The following TRDN variants were observed in gnomAD, a reference collection of about 807,000 sequenced individuals.
The protein encoded by TRDN is triadin, also known as triadin in skeletal muscle.
Under a neutral mutation model 149.7 loss-of-function variants are expected in TRDN, and 161 were observed. That is an observed-to-expected ratio of 1.08 (90% CI 0.95 to 1.23). The LOEUF (loss-of-function observed/expected upper bound fraction) is 1.23, where lower values mean the gene tolerates loss of function less well. Among genes scored for constraint, TRDN ranks in the 50% most tolerant of loss-of-function variants. TRDN has a pLI of 0.00. For synonymous variants in TRDN, 294 were observed against 250.5 expected (o/e 1.17, Z -1.64); for missense variants, 896 against 823.5 (o/e 1.09, Z -1.08).
chr6:123,299,009 T>G (rs1374721380), intron 24 of TRDN, among the ~76,000 whole-genome samples: 1 of 152,100 alleles, frequency 6.6e-6, no homozygotes, highest in Non-Finnish European at 1.5e-5. Context: ...AGTTTTGGTC[T>G]GGAATAGAAA....
chr6:123,277,742 T>C (rs1777424726), intron 26 of TRDN, among the ~76,000 whole-genome samples: 1 of 152,200 alleles, frequency 6.6e-6, no homozygotes, highest in African/African-American at 2.4e-5. Context: ...ACCTTCATTT[T>C]GGACATCTAC....
intron 2 of TRDN, among the ~76,000 whole-genome samples, chr6:123,560,023 A>G (rs1781896607): frequency 6.6e-6 from 1 of 152,214 alleles, no homozygotes; most frequent in Non-Finnish European, 1.5e-5. Flanking sequence ...ACTTCAGTCT[A>G]GTCAGAATTC....
intron 2 of TRDN, among the ~76,000 whole-genome samples, chr6:123,555,392 G>A (rs1002993059): frequency 2.0e-5 from 3 of 152,076 alleles, no homozygotes; most frequent in African/African-American, 7.2e-5. Flanking sequence ...AACATCCAAG[G>A]AAGTCAAGCA....
chr6:123,630,744 T>C (rs1785947854), intron 1 of TRDN, among the ~76,000 whole-genome samples: 1 of 152,026 alleles, frequency 6.6e-6, no homozygotes, highest in African/African-American at 2.4e-5. Flanking sequence ...TAACAAGGGC[T>C]GACACTACAC....
intron 21 of TRDN, among the ~76,000 whole-genome samples, chr6:123,338,407 G>A (rs1317329190): frequency 2.0e-5 from 3 of 152,156 alleles, no homozygotes; most frequent in East Asian, 1.9e-4. Context: ...ATCAAAAAAG[G>A]TCATGCAGTA....
intron 21 of TRDN, chr6:123,351,036 A>C: frequency 2.2e-6 from 2 of 925,472 alleles, no homozygotes; most frequent in Non-Finnish European, 2.5e-6. Context: ...TACTATTATT[A>C]GTGTGGGTGT....
intron 7 of TRDN, among the ~76,000 whole-genome samples, chr6:123,511,657 C>T (rs552323237): frequency 6.6e-6 from 1 of 152,140 alleles, no homozygotes; most frequent in Non-Finnish European, 1.5e-5. Context: ...TATTATCTTC[C>T]AGTTTTTATG....
intron 2 of TRDN, among the ~76,000 whole-genome samples, chr6:123,551,522 G>A (rs1781391896): frequency 6.6e-6 from 1 of 151,650 alleles, no homozygotes; most frequent in Non-Finnish European, 1.5e-5. Context: ...AAGATACTTA[G>A]GTAATTGTAT....
At chr6:123,495,382 G>A (rs1778404021) in intron 9 of TRDN, among the ~76,000 whole-genome samples, 1 of 151,872 alleles carries the variant, frequency 6.6e-6, no homozygotes, top group African/African-American at 2.4e-5. Context: ...AGCCGAGTAT[G>A]TTGGCAGGGG....
intron 30 of TRDN, 25 bp from the exon 31 acceptor site, chr6:123,269,891 T>A (rs1260262115): frequency 1.2e-6 from 2 of 1,608,604 alleles, no homozygotes; most frequent in Admixed American, 1.7e-5. Context: ...GGCAAGCACA[T>A]GGCATATTGA....
chr6:123,570,793 T>A, intron 2 of TRDN, 130 bp downstream of exon 2: 1 of 746,780 alleles, frequency 1.3e-6, no homozygotes, highest in South Asian at 1.9e-5. Context: ...TCAGTGATCC[T>A]CAAGCACATT....
chr6:123,499,719 A>ATATAT (rs1554249831), intron 8 of TRDN, among the ~76,000 whole-genome samples: 10 of 47,682 alleles, frequency 2.1e-4, no homozygotes, highest in African/African-American at 6.4e-4. Context: ...AAAAAAAAAA[A>ATATAT]ATATATATAT....
At chr6:123,326,581 T>C (rs906790899) in intron 23 of TRDN, among the ~76,000 whole-genome samples, 2 of 151,992 alleles carry the variant, frequency 1.3e-5, no homozygotes, top group African/African-American at 4.8e-5. Flanking sequence ...ACTATTAATG[T>C]TTGGTTTACA....
chr6:123,395,714 T>G (rs1772697445), intron 12 of TRDN, among the ~76,000 whole-genome samples: 1 of 152,052 alleles, frequency 6.6e-6, no homozygotes, highest in African/African-American at 2.4e-5. Flanking sequence ...TTCTACAATG[T>G]CTACCTGCAA....
At position 123,517,757 on chromosome 6, in the gene TRDN, T is replaced by G. The variant is rs1230351062; in HGVS notation, c.485-1551A>C. Among the ~76,000 whole-genome samples the G allele has an allele frequency of 3.3e-5, 5 of 151,948 alleles. No individual in the cohort carries two copies. The East Asian group carries it at 9.6e-4, about 29-fold the overall frequency. ...ACATTCATTCGTTTTCCTTTCCCTA[T>G]TCCATGCACTCTTTCCTCTTGGTTC... On this transcript the variant is annotated intron_variant, in intron 5 of 40. Coordinates refer to ENST00000334268, the MANE Select transcript of TRDN (RefSeq NM_006073.4).
At chr6:123,625,944 G>T (rs1209523824) in intron 1 of TRDN, among the ~76,000 whole-genome samples, 4 of 151,994 alleles carry the variant, frequency 2.6e-5, no homozygotes, top group Non-Finnish European at 5.9e-5. Flanking sequence ...CCACATCGAT[G>T]GACTCCACAT....
At chr6:123,334,434 G>C (rs767639224) in intron 22 of TRDN, among the ~76,000 whole-genome samples, 2 of 152,062 alleles carry the variant, frequency 1.3e-5, no homozygotes, top group African/African-American at 2.4e-5. Context: ...TCAGTTTGCT[G>C]TTTCTCAGTC....
rs1776866850 is a variant in TRDN, at chr6:123,264,356, AG to A, written c.1804+961del. Among the ~76,000 whole-genome samples, 3 of 152,248 alleles carry A rather than the reference AG, an allele frequency of 2.0e-5. No homozygotes were observed. The South Asian group carries it at 6.2e-4, about 32-fold the overall frequency. ...AGAGGTTTAAGGATTCAGTAGAAGA[AG>A]TAACTGCAGATGTGGTGGAAGCAAC... On this transcript the variant is annotated intron_variant, in intron 33 of 40. Coordinates refer to ENST00000334268, the MANE Select transcript of TRDN (RefSeq NM_006073.4).
chr6:123,552,460 T>C (rs1000971497), intron 2 of TRDN, among the ~76,000 whole-genome samples: 1 of 152,106 alleles, frequency 6.6e-6, no homozygotes, highest in Non-Finnish European at 1.5e-5. Flanking sequence ...TAGGTAATAT[T>C]TGACCCTTCT....
Sources: gnomAD v4.1 joint callset for allele counts (sites outside exome capture counted in the v4.1 genomes callset) on GRCh38, gnomAD v4.1.1 for gene constraint, MANE v1.5 for transcripts, NCBI Gene and HGNC (gene_info 2026-07-23, HGNC 2026-07-21) for gene names.